Variants in PPP2R3A observed in about 807,000 individuals in gnomAD.
PPP2R3A encodes protein phosphatase 2 regulatory subunit B''alpha.
In PPP2R3A, 80 loss-of-function variants were observed where a neutral mutation model predicts 106.9. That is an observed-to-expected ratio of 0.75 (90% CI 0.62 to 0.90). The LOEUF (loss-of-function observed/expected upper bound fraction) is 0.90, where lower values mean the gene tolerates loss of function less well. Among genes scored for constraint, PPP2R3A ranks in the 40% least tolerant of loss-of-function variants. The probability of loss-of-function intolerance (pLI) is 0.00; values close to 1 mark genes in which losing one functional copy is unlikely to be tolerated. For missense variants in PPP2R3A, 1,386 were observed against 1,350.4 expected (o/e 1.03, Z -0.41); for synonymous variants, 483 against 468.3 (o/e 1.03, Z -0.41).
chr3:136,048,197 C>T (rs1935541015), intron 4 of PPP2R3A, among the ~76,000 whole-genome samples: 1 of 152,044 alleles, frequency 6.6e-6, no homozygotes, highest in African/African-American at 2.4e-5. Context: ...AGGAGGCCAG[C>T]AAGAGTTCCT....
chr3:136,140,450 A>T (rs1016540859), intron 13 of PPP2R3A, among the ~76,000 whole-genome samples: 18 of 148,108 alleles, frequency 1.2e-4, no homozygotes, highest in African/African-American at 4.4e-4. Flanking sequence ...TTTAAAAAAA[A>T]AAAAAAAAAA....
chr3:135,980,131 T>C (rs1303627997), intron 1 of PPP2R3A, among the ~76,000 whole-genome samples: 2 of 151,762 alleles, frequency 1.3e-5, no homozygotes, highest in Non-Finnish European at 1.5e-5. Context: ...CACAAAATGA[T>C]AGGACCTTTG....
chr3:136,022,151 C>A (rs1161639223), intron 2 of PPP2R3A, among the ~76,000 whole-genome samples: 1 of 152,100 alleles, frequency 6.6e-6, no homozygotes, highest in African/African-American at 2.4e-5. Context: ...AGAAAACTTA[C>A]AAATTCAGTA....
chr3:136,122,787 AT>A (rs1938046113), intron 13 of PPP2R3A, among the ~76,000 whole-genome samples: 1 of 152,226 alleles, frequency 6.6e-6, no homozygotes, highest in South Asian at 2.1e-4. Context: ...GATTATGTAA[AT>A]TGTCAAATCT....
At chr3:135,992,369 C>T (rs775917530) in intron 1 of PPP2R3A, among the ~76,000 whole-genome samples, 3 of 152,160 alleles carry the variant, frequency 2.0e-5, no homozygotes, top group Non-Finnish European at 4.4e-5. Flanking sequence ...AAGTGATCCA[C>T]CTAAGTGGCA....
chr3:135,994,300 T>A lies in PPP2R3A; in HGVS notation c.-440-6759T>A, dbSNP rs146421897. 3.6e-3 allele frequency among the ~76,000 whole-genome samples: 541 copies of A among 152,266 alleles called. 4 individuals carry two copies. The highest frequency in any genetic ancestry group is 0.012 in the African/African-American group (503 of 41,554). On this transcript the variant is annotated intron_variant, in intron 1 of 13. Coordinates refer to ENST00000264977, the MANE Select transcript of PPP2R3A (RefSeq NM_002718.5). ...TGACCTGGGCCTCCTTTATTTTCAA[T>A]CCTTTACCACCGTCTTTGTCTGATG... is the stretch of plus-strand genomic sequence containing the variant.
chr3:136,054,636 T>C (rs1576466185), intron 5 of PPP2R3A, among the ~76,000 whole-genome samples: 1 of 152,344 alleles, frequency 6.6e-6, no homozygotes, highest in South Asian at 2.1e-4. Context: ...TAAAAATATT[T>C]AGTATATGTG....
chr3:136,024,342 T>G (rs1173352035), intron 2 of PPP2R3A, among the ~76,000 whole-genome samples: 1 of 152,134 alleles, frequency 6.6e-6, no homozygotes, highest in African/African-American at 2.4e-5. Flanking sequence ...TAGAACTCAA[T>G]AGAAAGTAAA....
At chr3:135,977,778 C>T (rs551549635) in intron 1 of PPP2R3A, among the ~76,000 whole-genome samples, 4 of 140,362 alleles carry the variant, frequency 2.8e-5, no homozygotes, top group African/African-American at 5.3e-5. Flanking sequence ...CAGCTCACTG[C>T]GACCTCCGCT....
chr3:136,006,263 GTACT>G (rs1933840561), intron 2 of PPP2R3A, among the ~76,000 whole-genome samples: 1 of 152,180 alleles, frequency 6.6e-6, no homozygotes, highest in Non-Finnish European at 1.5e-5. Context: ...AGTTGGAAAA[GTACT>G]TAATGAAAAG....
chr3:136,102,249 A>T, intron 11 of PPP2R3A, 67 bp downstream of exon 11: 3 of 1,489,052 alleles, frequency 2.0e-6, no homozygotes, highest in Non-Finnish European at 2.7e-6. Context: ...AGAATCCTAG[A>T]TTGTCCTAAA....
chr3:136,145,098 A>T lies in PPP2R3A; in HGVS notation c.3385A>T (p.Ser1129Cys). Residue 1129 changes from serine (S) to cysteine (C), a missense_variant, in exon 14 of 14, where the codon AGC becomes TGC. By Grantham distance (112) the Ser-to-Cys change is moderately radical. Transcript: ENST00000264977. ...CTCTCCCTCTGAATTTGGAAACAAAAGCAATAAAATATTAAGTGCAAGCCT... is the reference window on the plus strand; with the variant it reads ...CTCTCCCTCTGAATTTGGAAACAAATGCAATAAAATATTAAGTGCAAGCCT... ...PASPSEFGNKSNKILSASLPE... is the reference protein window; with the variant it reads ...PASPSEFGNKCNKILSASLPE... 6.2e-7 allele frequency: 1 copy of T among 1,613,944 alleles called. No homozygotes were observed.
chr3:135,977,898 C>T (rs1172572882), intron 1 of PPP2R3A, among the ~76,000 whole-genome samples: 1 of 151,816 alleles, frequency 6.6e-6, no homozygotes, highest in Non-Finnish European at 1.5e-5. Flanking sequence ...CAGGGTTTCA[C>T]CATGTTGCCC....
intron 3 of PPP2R3A, among the ~76,000 whole-genome samples, chr3:136,032,567 G>A (rs1009278163): frequency 2.7e-5 from 4 of 147,000 alleles, no homozygotes; most frequent in African/African-American, 5.0e-5. Flanking sequence ...TCGCTCTGTC[G>A]CCCAGGCTGG....
chr3:136,128,237 A>G (rs1475755869), intron 13 of PPP2R3A, among the ~76,000 whole-genome samples: 1 of 152,172 alleles, frequency 6.6e-6, no homozygotes, highest in African/African-American at 2.4e-5. Context: ...TAAAGAGTCA[A>G]GACCCACTGG....
At chr3:136,019,426 T>A (rs1350193250) in intron 2 of PPP2R3A, among the ~76,000 whole-genome samples, 1 of 152,146 alleles carries the variant, frequency 6.6e-6, no homozygotes, top group Admixed American at 6.5e-5. Flanking sequence ...AAAACAGCTT[T>A]TCTCTTATAA....
intron 1 of PPP2R3A, among the ~76,000 whole-genome samples, chr3:135,966,613 C>G (rs1937095059): frequency 6.6e-6 from 1 of 152,096 alleles, no homozygotes; most frequent in Admixed American, 6.5e-5. Context: ...CCGTTATTCC[C>G]AGTCCTCCCA....
At chr3:136,070,421 C>A in intron 5 of PPP2R3A, 57 bp from the exon 6 acceptor site, 1 of 1,441,154 alleles carries the variant, frequency 6.9e-7, no homozygotes, top group Non-Finnish European at 9.5e-7. Flanking sequence ...GGAAAAACTT[C>A]CATAGGCATA....
chr3:136,091,426 G>A (rs1420079384), intron 10 of PPP2R3A, among the ~76,000 whole-genome samples: 3 of 152,108 alleles, frequency 2.0e-5, no homozygotes, highest in Non-Finnish European at 4.4e-5. Context: ...AATCAGCCTG[G>A]GAAACATAAC....
Sources: gnomAD v4.1 joint callset for allele counts (sites outside exome capture counted in the v4.1 genomes callset) on GRCh38, gnomAD v4.1.1 for gene constraint, MANE v1.5 for transcripts, NCBI Gene and HGNC (gene_info 2026-07-23, HGNC 2026-07-21) for gene names.